The following EVX1 variants were observed in gnomAD, a reference collection of about 807,000 sequenced individuals.
EVX1 encodes homeobox even-skipped homolog protein 1.
In EVX1, 19 loss-of-function variants were observed where a neutral mutation model predicts 28.6. The observed-to-expected ratio is 0.67, with a 90% confidence interval of 0.46 to 0.98. EVX1 has a LOEUF of 0.98. Among genes scored for constraint, EVX1 ranks in the 50% least tolerant of loss-of-function variants. EVX1 has a pLI of 0.00. For missense variants in EVX1, 660 were observed against 583.0 expected (o/e 1.13, Z -1.36); for synonymous variants, 324 against 278.2 (o/e 1.16, Z -1.64).
At chr7:27,243,511 T>A in intron 1 of EVX1, 54 bp downstream of exon 1, 1 of 1,519,304 alleles carries the variant, frequency 6.6e-7, no homozygotes, top group South Asian at 1.3e-5. Context: ...CACCCTTCAC[T>A]TCGGCGCAGG....
rs1254990768 is a variant in EVX1 at position 27,246,846 on chromosome 7, T to G, written c.*421T>G. On this transcript the variant is annotated 3_prime_UTR_variant, in exon 3 of 3. Transcript: ENST00000496902. ...CTCTCCCCAGCCAAGGCCCAAGCACTGGAAAGGGAAATTGCTGTCTCTCTG... is the reference window on the plus strand; with the variant it reads ...CTCTCCCCAGCCAAGGCCCAAGCACGGGAAAGGGAAATTGCTGTCTCTCTG... The G allele has an allele frequency of 1.2e-5, 3 of 243,528 alleles. No homozygotes were observed. The highest frequency in any genetic ancestry group is 2.3e-5 in the Non-Finnish European group (3 of 128,644). 15.1% of individuals were successfully genotyped at this position (243,528 alleles called of 1,614,324 possible).
chr7:27,244,977 C>T (rs1193123423), intron 1 of EVX1, 71 bp from the exon 2 acceptor site: 3 of 1,553,896 alleles, frequency 1.9e-6, no homozygotes, highest in Non-Finnish European at 1.7e-6. Flanking sequence ...CACCTTAGGC[C>T]TACAGCCCCA....
In EVX1 at chr7:27,245,997, G is replaced by T. The variant is rs1397611025; in HGVS notation, c.796G>T (p.Ala266Ser). 6.2e-7 allele frequency: 1 copy of T among 1,602,056 alleles called. No individual in the cohort carries two copies. ...YTYMMSHAAA[A>S]GGLPYPFPSH... is the part of the protein sequence containing the mutation. ...TTACATGATGAGCCATGCGGCGGCC[G>T]CGGGCGGCCTGCCCTACCCCTTCCC... The change falls in exon 3 of 3, where the codon GCG becomes TCG. Residue 266 changes from alanine (A) to serine (S), a missense_variant. Ala to Ser is a moderately conservative substitution (Grantham distance 99). Transcript: ENST00000496902.
rs748484802 is a variant in EVX1, at chr7:27,246,209, G to T, written c.1008G>T (p.Ala336=). The change falls in exon 3 of 3, where the codon GCG becomes GCT. Residue 336 remains alanine (A), a synonymous_variant. Transcript: ENST00000496902. ...FRHPPLYPGP[A]HGLGASAGGP... ...ACCCGCCGCTCTACCCCGGGCCCGCGCACGGACTGGGCGCCTCTGCCGGCG... is the reference window on the plus strand; with the variant it reads ...ACCCGCCGCTCTACCCCGGGCCCGCTCACGGACTGGGCGCCTCTGCCGGCG... 9.3e-6 allele frequency: 14 copies of T among 1,499,676 alleles called. No homozygotes were observed. In the African/African-American group the frequency reaches 1.2e-4, roughly 12 times the overall value. 92.9% of individuals were successfully genotyped at this position (1,499,676 alleles called of 1,614,324 possible).
chr7:27,246,472 C>A lies in EVX1; in HGVS notation c.*47C>A. The A allele has an allele frequency of 1.9e-6, 3 of 1,539,638 alleles. No individual in the cohort carries two copies. The highest frequency in any genetic ancestry group is 2.6e-6 in the Non-Finnish European group (3 of 1,147,130). ...GCTCCATGACGCCCGTGGGGTCACC[C>A]CCCGGCCCCGGGACTCAGCCAGCCT... On this transcript the variant is annotated 3_prime_UTR_variant, in exon 3 of 3. Coordinates refer to ENST00000496902, the MANE Select transcript of EVX1 (RefSeq NM_001989.5).
At chr7:27,244,925 A>G in intron 1 of EVX1, 123 bp from the exon 2 acceptor site, 1 of 1,425,660 alleles carries the variant, frequency 7.0e-7, no homozygotes. Flanking sequence ...AGAAACAGTT[A>G]CTGAGGTGGC....
Position 27,245,161 on chromosome 7 carries a change from G to A in EVX1, c.541G>A (p.Asp181Asn), listed in dbSNP as rs759428899. The A allele has an allele frequency of 1.9e-6, 3 of 1,613,420 alleles. No homozygotes were observed. The highest frequency in any genetic ancestry group is 2.5e-6 in the Non-Finnish European group (3 of 1,180,040). Residue 181 changes from aspartate to asparagine, a missense_variant, in exon 2 of 3, where the codon GAC becomes AAC. Physicochemically the swap from Asp to Asn is conservative, Grantham distance 23. This residue lies in a region of EVX1 where 308 missense variants were observed against 256.6 expected (regional missense o/e 1.20). Coordinates refer to ENST00000496902, the MANE Select transcript of EVX1 (RefSeq NM_001989.5). The stretch of plus-strand genomic sequence containing the variant: ...AGGCACCCTGGCGTGCAGCGCCAGT[G>A]ACCAGATGCGTCGTTACCGCACCGC... Reference protein sequence around the residue: ...SQGTLACSASDQMRRYRTAFT... With the variant: ...SQGTLACSASNQMRRYRTAFT...
Position 27,246,566 on chromosome 7 carries a change from C to A in EVX1, c.*141C>A. The A allele has an allele frequency of 2.3e-6, 2 of 884,312 alleles. No homozygotes were observed. The highest frequency in any genetic ancestry group is 3.3e-6 in the Non-Finnish European group (2 of 601,350). 54.8% of individuals were successfully genotyped at this position (884,312 alleles called of 1,614,324 possible). A position where few individuals can be genotyped will look rare whatever the true frequency, so the allele number is the denominator to read the frequency against. ...AAAGGAGAGGGCGGAAAAGGACCAG[C>A]GGGATCCGGCCGCAAGAATTGGAAA... On this transcript the variant is annotated 3_prime_UTR_variant, in exon 3 of 3. Coordinates refer to ENST00000496902, the MANE Select transcript of EVX1 (RefSeq NM_001989.5).
At position 27,243,499 on chromosome 7, in the gene EVX1, C is replaced by G; in HGVS notation, c.427+42C>G. 4 of 1,535,168 alleles carry G rather than the reference C, an allele frequency of 2.6e-6. No individual in the cohort carries two copies. The South Asian group carries it at 3.8e-5, about 15-fold the overall frequency. On this transcript the variant is annotated intron_variant, in intron 1 of 2. Transcript: ENST00000496902. ...TCCGCTCCCCGGGCCTCCCACTGCG[C>G]CCACCCTTCACTTCGGCGCAGGCCA...
At position 27,242,978 on chromosome 7, in the gene EVX1, C is replaced by T; in HGVS notation, c.-53C>T. 6.9e-7 allele frequency: 1 copy of T among 1,442,208 alleles called. No individual in the cohort carries two copies. The highest frequency in any genetic ancestry group is 2.8e-5 in the Admixed American group (1 of 35,490). The allele number at this position is 1,442,208 out of a possible 1,614,324, so 89.3% of individuals were successfully genotyped here. On this transcript the variant is annotated 5_prime_UTR_variant, in exon 1 of 3. Transcript: ENST00000496902. ...TCCGGCCGCTGGAGACCCAGGGAGCCGGGGTTAGGAACTCACTTGGGGCTT... is the reference window on the plus strand; with the variant it reads ...TCCGGCCGCTGGAGACCCAGGGAGCTGGGGTTAGGAACTCACTTGGGGCTT...
At position 27,245,996 on chromosome 7, in the gene EVX1, C is replaced by T. The variant is rs778913136; in HGVS notation, c.795C>T (p.Ala265=). 1 of 1,602,102 alleles carries T rather than the reference C, an allele frequency of 6.2e-7. No homozygotes were observed. Among genetic ancestry groups the T allele is most frequent in the East Asian group, 2.2e-5 (1 of 44,814 alleles). ...FYTYMMSHAA[A]AGGLPYPFPS... ...CTTACATGATGAGCCATGCGGCGGC[C>T]GCGGGCGGCCTGCCCTACCCCTTCC... Residue 265 remains alanine, a synonymous_variant, in exon 3 of 3, where the codon GCC becomes GCT. Coordinates refer to ENST00000496902, the MANE Select transcript of EVX1 (RefSeq NM_001989.5).
rs1783225168 is a variant in EVX1, at chr7:27,247,468, A to G, written c.*1043A>G. The G allele has an allele frequency of 6.6e-6, 1 of 152,040 alleles. No individual in the cohort carries two copies. Among genetic ancestry groups the G allele is most frequent in the Admixed American group, 6.6e-5 (1 of 15,254 alleles). The allele number at this position is 152,040 out of a possible 1,614,324, so 9.4% of individuals were successfully genotyped here. The stretch of plus-strand genomic sequence containing the variant: ...ACTTCACCAGGAACTTTCTGGCCCT[A>G]CCCTTTGCATTGGGTATTTTACAAC... On this transcript the variant is annotated 3_prime_UTR_variant, in exon 3 of 3. Transcript: ENST00000496902.
Position 27,243,128 on chromosome 7 carries a change from G to C in EVX1, c.98G>C (p.Ser33Thr), listed in dbSNP as rs758321153. ...TCAAATTTGTCCGAAGCCGTGGGCA[G>C]CCCGCTGCCGGAGCCGCCCGAGAAA... ...RVSNLSEAVG[S>T]PLPEPPEKMV... The change falls in exon 1 of 3, where the codon AGC (serine) becomes ACC (threonine). Residue 33 changes from serine to threonine, a missense_variant. Around this residue, in one of 3 missense-constraint regions of EVX1, gnomAD observed 308 missense variants for 256.6 expected, o/e 1.20. Transcript: ENST00000496902. The C allele has an allele frequency of 3.1e-6, 5 of 1,609,314 alleles. No individual in the cohort carries two copies. In the East Asian group the frequency reaches 1.1e-4, roughly 36 times the overall value.
At position 27,245,407 on chromosome 7, in the gene EVX1, G is replaced by T. The variant is rs944700679; in HGVS notation, c.684+103G>T. The T allele has an allele frequency of 5.3e-6, 8 of 1,507,996 alleles. No homozygotes were observed. In the South Asian group the frequency reaches 7.6e-5, roughly 14 times the overall value. The allele number at this position is 1,507,996 out of a possible 1,614,324, so 93.4% of individuals were successfully genotyped here. A position where few individuals can be genotyped will look rare whatever the true frequency, so the allele number is the denominator to read the frequency against. ...ACGCAGGCCAGGAATCTGGGCCTGG[G>T]GTCTCCCTGCCCGGCGCGTGCAGAT... is the stretch of plus-strand genomic sequence containing the variant. On this transcript the variant is annotated intron_variant, in intron 2 of 2. Coordinates refer to ENST00000496902, the MANE Select transcript of EVX1 (RefSeq NM_001989.5).
At chr7:27,243,641 C>A in intron 1 of EVX1, 184 bp downstream of exon 1, 1 of 637,924 alleles carries the variant, frequency 1.6e-6, no homozygotes, top group Non-Finnish European at 2.5e-6. Context: ...ATTGGCGGGA[C>A]TGAGGGTGAC....
Position 27,246,941 on chromosome 7 carries a change from G to T in EVX1, c.*516G>T, listed in dbSNP as rs756962921. The T allele has an allele frequency of 7.4e-5, 12 of 161,208 alleles. No individual in the cohort carries two copies. The highest frequency in any genetic ancestry group is 1.3e-4 in the Admixed American group (2 of 15,344). The allele number at this position is 161,208 out of a possible 1,614,324, so 10.0% of individuals were successfully genotyped here. On this transcript the variant is annotated 3_prime_UTR_variant, in exon 3 of 3. Coordinates refer to ENST00000496902, the MANE Select transcript of EVX1 (RefSeq NM_001989.5). ...CAGCTTTTCCAAGGCATGACAAGGG[G>T]CTGGTGGATGGCAACATACCAGTCA...
chr7:27,244,150 G>C (rs1013715006), intron 1 of EVX1, among the ~76,000 whole-genome samples: 4 of 152,228 alleles, frequency 2.6e-5, no homozygotes, highest in African/African-American at 7.2e-5. Context: ...CTTCTCAGAG[G>C]TAGGCCCAAA....
In EVX1 at chr7:27,242,896, G is replaced by T. The variant is rs1783059165; in HGVS notation, c.-135G>T. ...TCGCGGTCCAGACCGCGCTCCAGCA[G>T]CTCCGCGCCCTCCCAGGCACCCGGC... is the stretch of plus-strand genomic sequence containing the variant. On this transcript the variant is annotated 5_prime_UTR_variant, in exon 1 of 3. Transcript: ENST00000496902. 3.9e-6 allele frequency: 4 copies of T among 1,034,460 alleles called. No individual in the cohort carries two copies. Among genetic ancestry groups the T allele is most frequent in the Non-Finnish European group, 5.4e-6 (4 of 744,700 alleles). 64.1% of individuals were successfully genotyped at this position (1,034,460 alleles called of 1,614,324 possible). A position where few individuals can be genotyped will look rare whatever the true frequency, so the allele number is the denominator to read the frequency against.
intron 2 of EVX1, 33 bp from the exon 3 acceptor site, chr7:27,245,853 C>G: frequency 6.3e-7 from 1 of 1,597,996 alleles, no homozygotes; most frequent in Non-Finnish European, 8.5e-7. Flanking sequence ...GGGCCAAGTC[C>G]AGCTACTGAA....
Sources: allele counts gnomAD v4.1 joint callset (sites outside exome capture counted in the v4.1 genomes callset), GRCh38; gene constraint gnomAD v4.1.1; regional missense constraint gnomAD v4.1.1; transcripts MANE v1.5; gene names NCBI Gene and HGNC (gene_info 2026-07-23, HGNC 2026-07-21).